Variants in MRC2 observed in about 807,000 individuals in gnomAD.
The protein encoded by MRC2 is C-type mannose receptor 2.
MRC2 carries 84 observed loss-of-function variants against 206.2 expected under a neutral mutation model. That is an observed-to-expected ratio of 0.41 (90% CI 0.34 to 0.49). The LOEUF (loss-of-function observed/expected upper bound fraction) is 0.49. MRC2 is among the 20% of genes least tolerant of loss of function. MRC2 has a pLI of 0.31. For synonymous variants in MRC2, 798 were observed against 800.0 expected (o/e 1.00, Z 0.04); for missense variants, 1,676 against 2,001.5 (o/e 0.84, Z 3.10).
chr17:62,643,810 G>T (rs532275344), intron 1 of MRC2, among the ~76,000 whole-genome samples: 2 of 151,828 alleles, frequency 1.3e-5, no homozygotes, highest in African/African-American at 4.8e-5. Context: ...GAAATGAAAC[G>T]TGATATTATA....
At chr17:62,636,069 G>A (rs1439443372) in intron 1 of MRC2, among the ~76,000 whole-genome samples, 1 of 150,948 alleles carries the variant, frequency 6.6e-6, no homozygotes, top group Non-Finnish European at 1.5e-5. Context: ...TTACAGGCGT[G>A]AGCCACCGCG....
chr17:62,649,317 G>A (rs375796138), intron 1 of MRC2, among the ~76,000 whole-genome samples: 5 of 152,212 alleles, frequency 3.3e-5, no homozygotes, highest in African/African-American at 9.6e-5. Flanking sequence ...CCATTTGGGC[G>A]CAGTGGCTCA....
chr17:62,674,573 C>T (rs1027134785), intron 9 of MRC2, among the ~76,000 whole-genome samples: 1 of 152,186 alleles, frequency 6.6e-6, no homozygotes, highest in Non-Finnish European at 1.5e-5. Context: ...CCTCCTCTGC[C>T]GTCTGACACA....
chr17:62,640,429 T>G lies in MRC2; in HGVS notation c.118+12509T>G, dbSNP rs148534278. Among the ~76,000 whole-genome samples, 655 of 152,306 alleles carry G rather than the reference T, an allele frequency of 4.3e-3. 5 individuals are homozygous for G. The highest frequency in any genetic ancestry group is 0.015 in the African/African-American group (625 of 41,556). On this transcript the variant is annotated intron_variant, in intron 1 of 29. Coordinates refer to ENST00000303375, the MANE Select transcript of MRC2 (RefSeq NM_006039.5). Reference sequence around the variant, plus strand: ...AGGCTAGGCATGATTCCTGCTTTCCTGAGGCTTGCGTTTTGAAAGCAGTCC... The same window carrying G: ...AGGCTAGGCATGATTCCTGCTTTCCGGAGGCTTGCGTTTTGAAAGCAGTCC...
Position 62,652,768 on chromosome 17 carries a change from G to C in MRC2, c.119-11780G>C, listed in dbSNP as rs181488429. On this transcript the variant is annotated intron_variant, in intron 1 of 29. Coordinates refer to ENST00000303375, the MANE Select transcript of MRC2 (RefSeq NM_006039.5). This position sits in a 1 kb window ranked among gnomAD's most constrained non-coding sequence, Gnocchi z 4.6. Reference sequence around the variant, plus strand: ...GGTGACAGAGGAAGTGGCGCCGCTTGGGGGGGTGCACGATGGCAGGGGGAG... The same window carrying C: ...GGTGACAGAGGAAGTGGCGCCGCTTCGGGGGGTGCACGATGGCAGGGGGAG... Among the ~76,000 whole-genome samples the C allele has an allele frequency of 6.8e-6, 1 of 147,362 alleles. No individual in the cohort carries two copies. Among genetic ancestry groups the C allele is most frequent in the Non-Finnish European group, 1.5e-5 (1 of 66,436 alleles).
At chr17:62,661,408 T>C (rs1303317442) in intron 1 of MRC2, among the ~76,000 whole-genome samples, 1 of 152,222 alleles carries the variant, frequency 6.6e-6, no homozygotes, top group Non-Finnish European at 1.5e-5. Flanking sequence ...TATCTCTTCT[T>C]CATTTTCTAC....
At chr17:62,637,535 C>A (rs985685890) in intron 1 of MRC2, among the ~76,000 whole-genome samples, 80 of 136,594 alleles carry the variant, frequency 5.9e-4, no homozygotes, top group East Asian at 1.5e-3. Context: ...GACTGTGTCT[C>A]AAAAAAAAAA....
At chr17:62,674,471 C>T (rs557656029) in intron 9 of MRC2, among the ~76,000 whole-genome samples, 122 of 152,282 alleles carry the variant, frequency 8.0e-4, no homozygotes, top group Admixed American at 1.5e-3. Flanking sequence ...TGGTCTACCC[C>T]CGAGTGCCCC....
rs374801058 is a variant in MRC2, at chr17:62,691,119, C to G, written c.4183C>G (p.Leu1395Val). 97 of 1,605,014 alleles carry G rather than the reference C, an allele frequency of 6.0e-5. No homozygotes were observed. Among genetic ancestry groups the G allele is most frequent in the Non-Finnish European group, 8.2e-5 (96 of 1,176,814 alleles). Residue 1395 changes from leucine (L) to valine (V), a missense_variant, in exon 28 of 30, where the codon CTT becomes GTT. By Grantham distance (32) the Leu-to-Val change is conservative. Coordinates refer to ENST00000303375, the MANE Select transcript of MRC2 (RefSeq NM_006039.5). ...TNITMGVVCK[L>V]PRAEQSSFSP... Reference sequence around the variant, plus strand: ...CATCACCATGGGTGTCGTCTGCAAGCTTCCTCGTGGTGAGCGCCGGGCAGG... The same window carrying G: ...CATCACCATGGGTGTCGTCTGCAAGGTTCCTCGTGGTGAGCGCCGGGCAGG...
In MRC2 at chr17:62,692,202, T is replaced by G. The variant is rs1338480092; in HGVS notation, c.4220-29T>G. 1 of 1,613,670 alleles carries G rather than the reference T, an allele frequency of 6.2e-7. No homozygotes were observed. The highest frequency in any genetic ancestry group is 8.5e-7 in the Non-Finnish European group (1 of 1,179,818). On this transcript the variant is annotated intron_variant, in intron 29 of 29. Transcript: ENST00000303375. The surrounding 1 kb of genome is among the most constrained non-coding windows in gnomAD (Gnocchi z 4.2). ...AGCACTGCTGGGCCTAACGCCCACT[T>G]GGCCTTTCACGCCCACTCGCCTTGG...
At chr17:62,653,422 G>A (rs1294153000) in intron 1 of MRC2, among the ~76,000 whole-genome samples, 1 of 152,128 alleles carries the variant, frequency 6.6e-6, no homozygotes, top group African/African-American at 2.4e-5. Context: ...CCGCGGGAAA[G>A]GTGACAGTCG....
At chr17:62,678,365 G>A (rs80289141) in intron 12 of MRC2, 139 bp from the exon 13 acceptor site, 5 of 1,208,368 alleles carry the variant, frequency 4.1e-6, no homozygotes, top group Non-Finnish European at 5.6e-6. Flanking sequence ...CAGATGAACA[G>A]GATTGTCCTT....
intron 1 of MRC2, among the ~76,000 whole-genome samples, chr17:62,655,879 T>C (rs552580266): frequency 6.6e-6 from 1 of 152,288 alleles, no homozygotes; most frequent in South Asian, 2.1e-4. Flanking sequence ...GTTCAGCCTC[T>C]CCAGCTTCAT....
At position 62,688,907 on chromosome 17, in the gene MRC2, A is replaced by G; in HGVS notation, c.3281A>G (p.Asp1094Gly). The G allele has an allele frequency of 6.2e-7, 1 of 1,613,762 alleles. No individual in the cohort carries two copies. The highest frequency in any genetic ancestry group is 1.1e-5 in the South Asian group (1 of 91,072). The change falls in exon 23 of 30, where the codon GAC becomes GGC. Residue 1094 changes from aspartate to glycine, a missense_variant. Transcript: ENST00000303375. ...SPSAHFTGRW[D>G]DRSCTEETHG... ...TCAGCCCACTTCACTGGCCGCTGGG[A>G]CGATCGGAGCTGCACGGAGGAGACC...
chr17:62,640,685 A>ATTTT (rs869295016), intron 1 of MRC2, among the ~76,000 whole-genome samples: 1 of 135,126 alleles, frequency 7.4e-6, no homozygotes, highest in Non-Finnish European at 1.6e-5. Flanking sequence ...CTAATATTTA[A>ATTTT]TTTTTTTTTT....
intron 1 of MRC2, among the ~76,000 whole-genome samples, chr17:62,643,292 C>T (rs962744310): frequency 2.8e-4 from 39 of 141,052 alleles, no homozygotes; most frequent in African/African-American, 1.0e-3. Flanking sequence ...TACACCACTG[C>T]ACTCCAGCCT....
chr17:62,666,527 C>T lies in MRC2; in HGVS notation c.767C>T (p.Thr256Met), dbSNP rs1234121646. Residue 256 changes from threonine to methionine, a missense_variant, in exon 4 of 30, where the codon ACG becomes ATG. This residue lies in a region of MRC2 where 4 missense variants were observed against 18.3 expected (regional missense o/e 0.22). Coordinates refer to ENST00000303375, the MANE Select transcript of MRC2 (RefSeq NM_006039.5). The surrounding 1 kb of genome is among the most constrained non-coding windows in gnomAD (Gnocchi z 5.0). Reference protein sequence around the residue: ...DSCYQFNFQSTLSWREAWASC... With the variant: ...DSCYQFNFQSMLSWREAWASC... ...TGCTACCAGTTTAACTTCCAGTCCA[C>T]GCTGTCGTGGAGGGAGGCCTGGGCC... 5 of 1,613,722 alleles carry T rather than the reference C, an allele frequency of 3.1e-6. No individual in the cohort carries two copies. The highest frequency in any genetic ancestry group is 2.2e-5 in the South Asian group (2 of 91,044).
At chr17:62,689,872 C>T in intron 24 of MRC2, 22 bp from the exon 25 acceptor site, 4 of 1,573,566 alleles carry the variant, frequency 2.5e-6, no homozygotes, top group Non-Finnish European at 3.4e-6. Context: ...CTTCCTCCCA[C>T]CCCATGGCCC....
chr17:62,688,663 C>T lies in MRC2; in HGVS notation c.3224C>T (p.Pro1075Leu), dbSNP rs1488759786. ...GPSPAPSGNK[P>L]TSCAVVLHSP... is the part of the protein sequence containing the mutation. ...AGCCCTGCTCCCAGTGGCAACAAACCGGTGAGGATGCCCTCCCTGTTCCCC... is the reference window on the plus strand; with the variant it reads ...AGCCCTGCTCCCAGTGGCAACAAACTGGTGAGGATGCCCTCCCTGTTCCCC... The change falls in exon 22 of 30, where the codon CCG (proline) becomes CTG (leucine). Residue 1075 changes from proline (P) to leucine (L), a missense_variant and splice_region_variant. By Grantham distance (98) the Pro-to-Leu change is moderately conservative. Around this residue, in one of 3 missense-constraint regions of MRC2, gnomAD observed 1,354 missense variants for 1,636.6 expected, o/e 0.83. Transcript: ENST00000303375. The T allele has an allele frequency of 2.2e-5, 35 of 1,613,388 alleles. No homozygotes were observed. The highest frequency in any genetic ancestry group is 1.7e-4 in the Middle Eastern group (1 of 5,996).
Sources: allele counts gnomAD v4.1 joint callset (sites outside exome capture counted in the v4.1 genomes callset), GRCh38; gene constraint gnomAD v4.1.1; regional missense constraint gnomAD v4.1.1; non-coding constraint Gnocchi (gnomAD v3.1); transcripts MANE v1.5; gene names NCBI Gene and HGNC (gene_info 2026-07-23, HGNC 2026-07-21).